Variants in PPHLN1 observed in about 807,000 individuals in gnomAD.
The protein encoded by PPHLN1 is periphilin-1.
In PPHLN1, 29 loss-of-function variants were observed where a neutral mutation model predicts 51.3. The ratio of observed to expected loss-of-function variants is 0.57; its 90% confidence interval spans 0.42 to 0.77. PPHLN1 has a LOEUF of 0.77. PPHLN1 is among the 30% of genes least tolerant of loss of function. The probability of loss-of-function intolerance (pLI) is 0.00; values close to 1 mark genes in which losing one functional copy is unlikely to be tolerated. For missense variants in PPHLN1, 436 were observed against 438.4 expected (o/e 0.99, Z 0.05); for synonymous variants, 147 against 147.8 (o/e 0.99, Z 0.04).
At chr12:42,334,143 A>G (rs2070237532) in intron 1 of PPHLN1, among the ~76,000 whole-genome samples, 1 of 152,160 alleles carries the variant, frequency 6.6e-6, no homozygotes. Flanking sequence ...GAGGAGGAGT[A>G]ATGTTGACAA....
intron 2 of PPHLN1, chr12:42,343,794 G>C (rs149607056): frequency 5.7e-4 from 208 of 363,830 alleles, no homozygotes; most frequent in African/African-American, 3.2e-3. Flanking sequence ...CTACATTCTC[G>C]AATAAGATGC....
chr12:42,362,681 T>C (rs2074831476), intron 4 of PPHLN1, among the ~76,000 whole-genome samples: 1 of 152,248 alleles, frequency 6.6e-6, no homozygotes. Flanking sequence ...ACAGTGTTTA[T>C]GTGTATTCAT....
rs796351887 is a variant in PPHLN1 at position 42,345,504 on chromosome 12, T to C, written c.73-6381T>C. On this transcript the variant is annotated intron_variant, in intron 2 of 9. Coordinates refer to ENST00000358314, the MANE Select transcript of PPHLN1 (RefSeq NM_201439.2). ...ATACTAACACCATTAATACTAACTTTGGAGTAGCAAATCCAATAAATTCTA... is the reference window on the plus strand; with the variant it reads ...ATACTAACACCATTAATACTAACTTCGGAGTAGCAAATCCAATAAATTCTA... Among the ~76,000 whole-genome samples the C allele has an allele frequency of 3.6e-4, 55 of 151,958 alleles. 2 individuals carry two copies. Among genetic ancestry groups the C allele is most frequent in the African/African-American group, 1.3e-3 (55 of 41,506 alleles).
At chr12:42,413,373 T>C (rs1373950276) in intron 9 of PPHLN1, among the ~76,000 whole-genome samples, 1 of 152,164 alleles carries the variant, frequency 6.6e-6, no homozygotes, top group Non-Finnish European at 1.5e-5. Flanking sequence ...GCATAGGGTG[T>C]CCTTTCCTGA....
At chr12:42,335,679 C>T (rs73285664) in intron 1 of PPHLN1, among the ~76,000 whole-genome samples, 1,370 of 133,956 alleles carry the variant, frequency 0.01, 22 homozygotes, top group African/African-American at 0.034. Flanking sequence ...GAAGATAGGG[C>T]TTTCCGTGTT....
At chr12:42,359,637 A>T (rs1445794724) in intron 4 of PPHLN1, 1 of 152,186 alleles carries the variant, frequency 6.6e-6, no homozygotes, top group East Asian at 1.9e-4. Context: ...AGACTTTGTG[A>T]ACAGAAAATA....
At chr12:42,356,277 A>G (rs73120499) in intron 4 of PPHLN1, among the ~76,000 whole-genome samples, 12,399 of 152,254 alleles carry the variant, frequency 0.081, 550 homozygotes, top group East Asian at 0.15. Context: ...CAGCACAGCA[A>G]TCAGCAGGAG....
At chr12:42,427,985 G>A in intron 9 of PPHLN1, among the ~76,000 whole-genome samples, 1 of 151,984 alleles carries the variant, frequency 6.6e-6, no homozygotes, top group East Asian at 1.9e-4. Flanking sequence ...ACATACAAAT[G>A]GCCAAAAAAT....
At chr12:42,434,269 CTG>C (rs1407960507) in intron 9 of PPHLN1, among the ~76,000 whole-genome samples, 1 of 152,172 alleles carries the variant, frequency 6.6e-6, no homozygotes, top group African/African-American at 2.4e-5. Context: ...ACAACACACA[CTG>C]GGGCCTGTTG....
chr12:42,344,869 T>A (rs941606506), intron 2 of PPHLN1, among the ~76,000 whole-genome samples: 3 of 151,988 alleles, frequency 2.0e-5, no homozygotes, highest in African/African-American at 7.3e-5. Context: ...CCACTAAACC[T>A]GGCTAATTTT....
chr12:42,371,111 GTTTTTTTTTTTTTTT>G (rs59324305), intron 4 of PPHLN1, among the ~76,000 whole-genome samples: 1 of 64,694 alleles, frequency 1.5e-5, no homozygotes, highest in African/African-American at 6.3e-5. Context: ...CCAGCCTGGT[GTTTTTTTTTTTTTTT>G]TTTTTTTTTT....
intron 9 of PPHLN1, among the ~76,000 whole-genome samples, chr12:42,431,497 T>G (rs1167508778): frequency 2.0e-5 from 3 of 152,222 alleles, no homozygotes; most frequent in Admixed American, 2.0e-4. Context: ...GGTGTCAAAG[T>G]ATGTTTAACA....
rs71084642 is a variant in PPHLN1 at position 42,360,458 on chromosome 12, C to CTTTTTTTTTTTTTTTTTTTTTTTTTTT, written c.299+5239_299+5265dup. Among the ~76,000 whole-genome samples, 4 of 56,292 alleles carry CTTTTTTTTTTTTTTTTTTTTTTTTTTT rather than the reference C, an allele frequency of 7.1e-5. 2 individuals carry two copies. The highest frequency in any genetic ancestry group is 3.1e-4 in the African/African-American group (4 of 13,100). 36.9% of individuals were successfully genotyped at this position (56,292 alleles called of 152,430 possible). ...ACAGTTCCTGAAGTGATGCTGAATT[C>CTTTTTTTTTTTTTTTTTTTTTTTTTTT]TTTTTTTTTTTTTTTTTTTTTTTTT... On this transcript the variant is annotated intron_variant, in intron 4 of 9. Coordinates refer to ENST00000358314, the MANE Select transcript of PPHLN1 (RefSeq NM_201439.2).
At chr12:42,438,557 G>T (rs1283669253) in intron 9 of PPHLN1, among the ~76,000 whole-genome samples, 1 of 151,900 alleles carries the variant, frequency 6.6e-6, no homozygotes, top group African/African-American at 2.4e-5. Flanking sequence ...TCAGTTTTTT[G>T]CCTGTTTTAT....
At chr12:42,400,467 CAAA>C (rs34462402) in intron 9 of PPHLN1, 6 of 95,386 alleles carry the variant, frequency 6.3e-5, no homozygotes, top group East Asian at 3.0e-4. Context: ...GACTCCGTCT[CAAA>C]AAAAAAAAAA....
At chr12:42,427,091 T>G (rs191864618) in intron 9 of PPHLN1, among the ~76,000 whole-genome samples, 114 of 152,334 alleles carry the variant, frequency 7.5e-4, no homozygotes, top group African/African-American at 2.6e-3. Context: ...TCTTTTAGCC[T>G]TAGTCAGATC....
chr12:42,360,875 TG>T (rs140855991), intron 4 of PPHLN1, among the ~76,000 whole-genome samples: 71 of 152,262 alleles, frequency 4.7e-4, no homozygotes, highest in African/African-American at 1.6e-3. Flanking sequence ...TTGTTTAAGA[TG>T]GAGTCTGCAA....
intron 9 of PPHLN1, among the ~76,000 whole-genome samples, chr12:42,424,102 A>G (rs878999678): frequency 1.3e-5 from 2 of 152,216 alleles, no homozygotes; most frequent in African/African-American, 2.4e-5. Context: ...GTTTCTGCCA[A>G]TGTTAAAGCA....
At chr12:42,337,555 C>G (rs1296360663) in intron 2 of PPHLN1, among the ~76,000 whole-genome samples, 1 of 151,426 alleles carries the variant, frequency 6.6e-6, no homozygotes, top group East Asian at 2.0e-4. Flanking sequence ...CTTGGTCTCC[C>G]AAAGTTCTGG....
Sources: allele counts gnomAD v4.1 joint callset (sites outside exome capture counted in the v4.1 genomes callset), GRCh38; gene constraint gnomAD v4.1.1; transcripts MANE v1.5; gene names NCBI Gene and HGNC (gene_info 2026-07-23, HGNC 2026-07-21).